Variants in CDH18 observed in about 807,000 individuals in gnomAD.
CDH18 encodes the protein cadherin-18.
Under a neutral mutation model 67.9 loss-of-function variants are expected in CDH18, and 31 were observed. The observed-to-expected ratio is 0.46, with a 90% CI of 0.34 to 0.62. The LOEUF is 0.62. Among genes scored for constraint, CDH18 ranks in the 20% least tolerant of loss-of-function variants. The probability of loss-of-function intolerance (pLI) is 0.01; values close to 1 mark genes in which losing one functional copy is unlikely to be tolerated. For missense variants in CDH18, 890 were observed against 975.5 expected (o/e 0.91, Z 1.17); for synonymous variants, 362 against 347.2 (o/e 1.04, Z -0.48).
intron 3 of CDH18, among the ~76,000 whole-genome samples, chr5:19,829,048 T>C (rs534068970): frequency 6.6e-6 from 1 of 151,706 alleles, no homozygotes; most frequent in Non-Finnish European, 1.5e-5. Flanking sequence ...AAAAATAAAT[T>C]AATTAATTAA....
At chr5:20,021,022 C>G (rs1250109352) in intron 2 of CDH18, among the ~76,000 whole-genome samples, 1 of 151,766 alleles carries the variant, frequency 6.6e-6, no homozygotes, top group Non-Finnish European at 1.5e-5. Flanking sequence ...GGACCCAACC[C>G]CTTATCTCGG....
intron 2 of CDH18, among the ~76,000 whole-genome samples, chr5:20,020,474 C>A (rs1408629733): frequency 6.6e-6 from 1 of 152,126 alleles, no homozygotes; most frequent in Non-Finnish European, 1.5e-5. Flanking sequence ...AATAGTTTTG[C>A]AGGCAGGGCT....
chr5:20,260,334 G>A (rs1744552942), intron 1 of CDH18, among the ~76,000 whole-genome samples: 2 of 151,842 alleles, frequency 1.3e-5, no homozygotes, highest in African/African-American at 4.8e-5. Flanking sequence ...GGAGAGTTGG[G>A]GGGCAATAAC....
intron 9 of CDH18, among the ~76,000 whole-genome samples, chr5:19,533,668 A>G (rs1004334105): frequency 6.6e-6 from 1 of 152,170 alleles, no homozygotes; most frequent in African/African-American, 2.4e-5. Context: ...CACAGCAAAC[A>G]AATAAGAACA....
intron 3 of CDH18, among the ~76,000 whole-genome samples, chr5:19,798,874 T>A (rs2149839202): frequency 6.6e-6 from 1 of 152,200 alleles, no homozygotes; most frequent in Non-Finnish European, 1.5e-5. Flanking sequence ...AATATTTCAT[T>A]ATTATATGGC....
At chr5:20,470,333 A>T (rs1207890172) in intron 1 of CDH18, among the ~76,000 whole-genome samples, 1 of 152,102 alleles carries the variant, frequency 6.6e-6, no homozygotes, top group African/African-American at 2.4e-5. Context: ...TTTACTAATC[A>T]AGTCTTGAAG....
chr5:19,666,313 T>A (rs201701276), intron 5 of CDH18, among the ~76,000 whole-genome samples: 1 of 150,030 alleles, frequency 6.7e-6, no homozygotes, highest in East Asian at 2.0e-4. Context: ...TCATCAGGTA[T>A]CCCAGGCTGG....
At chr5:20,246,465 A>G (rs181330687) in intron 2 of CDH18, among the ~76,000 whole-genome samples, 143 of 152,342 alleles carry the variant, frequency 9.4e-4, no homozygotes, top group African/African-American at 3.3e-3. Flanking sequence ...AATCAAAGGT[A>G]TAAAACTCTT....
rs145592925 is a variant in CDH18 at position 20,071,417 on chromosome 5, T to C, written c.-517-79403A>G. 6.0e-3 allele frequency among the ~76,000 whole-genome samples: 918 copies of C among 152,218 alleles called. 9 individuals carry two copies. Among genetic ancestry groups the C allele is most frequent in the Middle Eastern group, 0.014 (4 of 294 alleles). On this transcript the variant is annotated intron_variant, in intron 2 of 14. Coordinates refer to the CDH18 transcript ENST00000507958. ...ACTCACTTCCAAAAGTGATTACATC[T>C]GCCCTTCCCATTTTCTAGTCTTCAT...
chr5:20,531,729 G>T lies in CDH18; in HGVS notation c.-580+43733C>A, dbSNP rs1483598480. Among the ~76,000 whole-genome samples, 3 of 152,020 alleles carry T rather than the reference G, an allele frequency of 2.0e-5. No homozygotes were observed. The East Asian group carries it at 5.8e-4, about 29-fold the overall frequency. On this transcript the variant is annotated intron_variant, in intron 1 of 14. Transcript: ENST00000507958. ...CAGAAAGGGGAACAAGCAACAATGGGGCCTGTTGGGGGAGGGCAGGCTGCG... is the reference window on the plus strand; with the variant it reads ...CAGAAAGGGGAACAAGCAACAATGGTGCCTGTTGGGGGAGGGCAGGCTGCG...
At chr5:19,956,052 T>C (rs779315399) in intron 2 of CDH18, among the ~76,000 whole-genome samples, 1 of 152,046 alleles carries the variant, frequency 6.6e-6, no homozygotes, top group Non-Finnish European at 1.5e-5. Context: ...GATATTTTCA[T>C]AGTAGTTAGT....
intron 2 of CDH18, among the ~76,000 whole-genome samples, chr5:19,857,012 C>G (rs1784370452): frequency 6.6e-6 from 1 of 152,008 alleles, no homozygotes. Flanking sequence ...CACTTGAGGC[C>G]AGGAGTTTGA....
intron 2 of CDH18, among the ~76,000 whole-genome samples, chr5:20,123,071 TATG>T (rs1207764637): frequency 6.7e-6 from 1 of 149,058 alleles, no homozygotes; most frequent in African/African-American, 2.4e-5. Flanking sequence ...ATATTATATA[TATG>T]ATATTTCCTA....
chr5:19,679,473 G>A (rs1160978000), intron 5 of CDH18, among the ~76,000 whole-genome samples: 1 of 151,932 alleles, frequency 6.6e-6, no homozygotes, highest in Admixed American at 6.6e-5. Flanking sequence ...GAAAGAGAAA[G>A]AAATAAAAGA....
intron 2 of CDH18, among the ~76,000 whole-genome samples, chr5:19,885,282 G>A (rs1321860425): frequency 6.6e-6 from 1 of 152,132 alleles, no homozygotes; most frequent in Admixed American, 6.6e-5. Flanking sequence ...TACTTTGGAA[G>A]GTTGGTGTGA....
intron 1 of CDH18, among the ~76,000 whole-genome samples, chr5:20,545,070 A>G (rs1308533961): frequency 6.6e-6 from 1 of 152,218 alleles, no homozygotes; most frequent in African/African-American, 2.4e-5. Flanking sequence ...ACCTGGCCAG[A>G]CAGTCATTAA....
intron 2 of CDH18, among the ~76,000 whole-genome samples, chr5:20,221,760 C>CA (rs1741244802): frequency 6.6e-6 from 1 of 151,832 alleles, no homozygotes; most frequent in African/African-American, 2.4e-5. Flanking sequence ...TATGTCCCCA[C>CA]AAAAATAAAA....
intron 3 of CDH18, among the ~76,000 whole-genome samples, chr5:19,820,124 GA>G (rs1779714118): frequency 6.6e-6 from 1 of 152,108 alleles, no homozygotes; most frequent in South Asian, 2.1e-4. Flanking sequence ...CCTACTCTCA[GA>G]ACATTGAAAC....
At chr5:19,496,431 G>A (rs991650787) in intron 11 of CDH18, among the ~76,000 whole-genome samples, 4 of 152,222 alleles carry the variant, frequency 2.6e-5, no homozygotes, top group African/African-American at 4.8e-5. Context: ...CTTAGTCACC[G>A]ACACAATAAT....
Sources: allele counts gnomAD v4.1 joint callset (sites outside exome capture counted in the v4.1 genomes callset), GRCh38; gene constraint gnomAD v4.1.1; transcripts MANE v1.5; gene names NCBI Gene and HGNC (gene_info 2026-07-23, HGNC 2026-07-21).